Variants in MCF2L observed in about 807,000 individuals in gnomAD.
MCF2L encodes guanine nucleotide exchange factor DBS.
A neutral mutation model predicts 153.4 loss-of-function variants in MCF2L; 97 were observed. That is an observed-to-expected ratio of 0.63 (90% CI 0.54 to 0.75). The LOEUF (loss-of-function observed/expected upper bound fraction) is 0.75, where lower values mean the gene tolerates loss of function less well. Ranked by LOEUF, MCF2L falls within the 30% of genes least tolerant of loss-of-function variation. The probability of loss-of-function intolerance (pLI) is 0.00; values close to 1 mark genes in which losing one functional copy is unlikely to be tolerated. For missense variants in MCF2L, 1,347 were observed against 1,495.2 expected (o/e 0.90, Z 1.64); for synonymous variants, 659 against 632.2 (o/e 1.04, Z -0.64).
chr13:112,976,511 C>G (rs1258314550), intron 1 of MCF2L, among the ~76,000 whole-genome samples: 2 of 152,206 alleles, frequency 1.3e-5, no homozygotes, highest in Non-Finnish European at 2.9e-5. Flanking sequence ...GGACCACACG[C>G]GGCTCTGGGC....
chr13:113,090,492 A>C, intron 26 of MCF2L: 1 of 963,064 alleles, frequency 1.0e-6, no homozygotes, highest in Non-Finnish European at 1.2e-6. Flanking sequence ...CAGGGTGCTG[A>C]CCTTGCTGGC....
chr13:112,979,658 G>A, intron 1 of MCF2L: 2 of 1,612,880 alleles, frequency 1.2e-6, no homozygotes, highest in Non-Finnish European at 1.7e-6. Flanking sequence ...CTTTGTGACA[G>A]GGCGGTTCGA....
chr13:113,019,236 C>A (rs932544728), intron 2 of MCF2L, among the ~76,000 whole-genome samples: 1 of 152,242 alleles, frequency 6.6e-6, no homozygotes, highest in Non-Finnish European at 1.5e-5. Flanking sequence ...AGCATGGCAC[C>A]TGCCTGGGCA....
chr13:112,996,893 TG>T (rs2083158303), intron 1 of MCF2L, among the ~76,000 whole-genome samples: 1 of 152,230 alleles, frequency 6.6e-6, no homozygotes, highest in African/African-American at 2.4e-5. Flanking sequence ...CTGCTTTCTC[TG>T]GCTTCACCAC....
intron 26 of MCF2L, chr13:113,091,162 G>A: frequency 1.5e-6 from 2 of 1,301,278 alleles, no homozygotes; most frequent in Non-Finnish European, 1.0e-6. Flanking sequence ...GCGGCATGAA[G>A]TAAAGAGCGA....
At chr13:113,004,284 C>T (rs1327026634) in intron 1 of MCF2L, among the ~76,000 whole-genome samples, 1 of 152,188 alleles carries the variant, frequency 6.6e-6, no homozygotes, top group Admixed American at 6.5e-5. Flanking sequence ...TCCATCTGCC[C>T]GTCAGTGTGC....
Position 112,993,568 on chromosome 13 carries a change from G to A in MCF2L, c.80-21195G>A, listed in dbSNP as rs934279746. On this transcript the variant is annotated intron_variant, in intron 1 of 29. Transcript: ENST00000535094. The surrounding 1 kb of genome is among the most constrained non-coding windows in gnomAD (Gnocchi z 4.6). ...CAGAAGTGGCAGTGGGAGGGGAGGGGGAGGGTGCCTGGAGAGAGGTTTCAG... is the reference window on the plus strand; with the variant it reads ...CAGAAGTGGCAGTGGGAGGGGAGGGAGAGGGTGCCTGGAGAGAGGTTTCAG... Among the ~76,000 whole-genome samples the A allele has an allele frequency of 1.3e-5, 2 of 152,074 alleles. No individual in the cohort carries two copies. The highest frequency in any genetic ancestry group is 2.9e-5 in the Non-Finnish European group (2 of 68,008).
At chr13:112,979,896 C>T (rs974331646) in intron 1 of MCF2L, 5 of 747,476 alleles carry the variant, frequency 6.7e-6, no homozygotes, top group Non-Finnish European at 1.1e-5. Flanking sequence ...TCGGAGACTT[C>T]TTAAAAAGGT....
Position 112,993,403 on chromosome 13 carries a change from A to T in MCF2L, c.80-21360A>T, listed in dbSNP as rs2082973236. Among the ~76,000 whole-genome samples, 1 of 152,214 alleles carries T rather than the reference A, an allele frequency of 6.6e-6. No individual in the cohort carries two copies. The highest frequency in any genetic ancestry group is 1.5e-5 in the Non-Finnish European group (1 of 68,038). On this transcript the variant is annotated intron_variant, in intron 1 of 29. Coordinates refer to ENST00000535094, the MANE Select transcript of MCF2L (RefSeq NM_001112732.3). This position sits in a 1 kb window ranked among gnomAD's most constrained non-coding sequence, Gnocchi z 4.6. The stretch of plus-strand genomic sequence containing the variant: ...CACAGAGACCGCCAGGAGGGCTTTT[A>T]GGAGATATGTGAAATGAGACTCAGC...
At chr13:112,946,126 A>T (rs1454337280) in intron 2 of MCF2L, among the ~76,000 whole-genome samples, 1 of 152,218 alleles carries the variant, frequency 6.6e-6, no homozygotes, top group Non-Finnish European at 1.5e-5. Flanking sequence ...TCATGCTAAA[A>T]TTTTTAAATC....
intron 2 of MCF2L, chr13:112,917,200 G>A (rs1171042746): frequency 8.5e-6 from 4 of 470,688 alleles, no homozygotes; most frequent in Admixed American, 2.3e-5. Context: ...CCCCTCCCCC[G>A]GGCACTGCAC....
chr13:112,909,271 C>T (rs2140516608), intron 2 of MCF2L: 3 of 779,804 alleles, frequency 3.8e-6, no homozygotes, highest in South Asian at 1.3e-5. Flanking sequence ...GCATCTCGTC[C>T]ACAGTGAGCT....
chr13:113,094,677 C>T, intron 27 of MCF2L, 42 bp downstream of exon 27: 1 of 1,587,880 alleles, frequency 6.3e-7, no homozygotes, highest in Non-Finnish European at 8.6e-7. Flanking sequence ...TGGGGGCTGC[C>T]CTCCGGGGAT....
chr13:112,942,166 T>C (rs904809829), intron 2 of MCF2L, among the ~76,000 whole-genome samples: 4 of 152,218 alleles, frequency 2.6e-5, no homozygotes, highest in Admixed American at 1.3e-4. Flanking sequence ...ACCGTCTCCC[T>C]GTGATGCTGT....
intron 1 of MCF2L, among the ~76,000 whole-genome samples, chr13:112,978,639 C>T (rs184251667): frequency 7.2e-5 from 11 of 152,282 alleles, no homozygotes; most frequent in South Asian, 4.1e-4. Flanking sequence ...GGTGGCAGGA[C>T]GGGTGTGCAC....
chr13:112,997,535 G>A (rs2083191842), intron 1 of MCF2L, among the ~76,000 whole-genome samples: 1 of 152,230 alleles, frequency 6.6e-6, no homozygotes, highest in South Asian at 2.1e-4. Flanking sequence ...CTCTGCATCT[G>A]CTGCTACAGA....
At chr13:113,066,480 A>G (rs1240910000) in intron 8 of MCF2L, among the ~76,000 whole-genome samples, 1 of 152,226 alleles carries the variant, frequency 6.6e-6, no homozygotes, top group East Asian at 1.9e-4. Flanking sequence ...GGAGTGCCTT[A>G]GACCTGGGGC....
chr13:112,920,717 G>A (rs1428154329), intron 2 of MCF2L, among the ~76,000 whole-genome samples: 1 of 149,236 alleles, frequency 6.7e-6, no homozygotes, highest in Admixed American at 6.7e-5. Flanking sequence ...CTGGTGGTGG[G>A]TGGGCGGGGG....
chr13:113,085,695 T>C (rs1229491659), intron 20 of MCF2L, among the ~76,000 whole-genome samples: 1 of 125,980 alleles, frequency 7.9e-6, no homozygotes, highest in Non-Finnish European at 1.7e-5. Flanking sequence ...GTGCGAGGGG[T>C]TTGCACCTGG....
Sources: gnomAD v4.1 joint callset for allele counts (sites outside exome capture counted in the v4.1 genomes callset) on GRCh38, gnomAD v4.1.1 for gene constraint, Gnocchi (gnomAD v3.1) non-coding constraint, MANE v1.5 for transcripts, NCBI Gene and HGNC (gene_info 2026-07-23, HGNC 2026-07-21) for gene names.